The following IL16 variants were observed in gnomAD, a reference collection of about 807,000 sequenced individuals.
IL16 encodes the protein pro-interleukin-16.
A neutral mutation model predicts 110.1 loss-of-function variants in IL16; 67 were observed. The observed-to-expected ratio is 0.61, with a 90% CI of 0.50 to 0.75. The LOEUF (loss-of-function observed/expected upper bound fraction) is 0.75, where lower values mean the gene tolerates loss of function less well. IL16 is among the 30% of genes least tolerant of loss of function. The probability of loss-of-function intolerance (pLI) is 0.00; values close to 1 mark genes in which losing one functional copy is unlikely to be tolerated. For missense variants in IL16, 1,545 were observed against 1,655.0 expected (o/e 0.93, Z 1.15); for synonymous variants, 689 against 662.9 (o/e 1.04, Z -0.61).
intron 9 of IL16, among the ~76,000 whole-genome samples, chr15:81,284,022 A>AAAG (rs1555422375): frequency 2.4e-4 from 35 of 146,178 alleles, no homozygotes; most frequent in African/African-American, 8.9e-4. Flanking sequence ...AAAAAAAAAA[A>AAAG]AGAGAGAGAG....
In IL16 at chr15:81,267,469, CACATACACAG is replaced by C. The variant is rs1378359757; in HGVS notation, c.564+1672_564+1681del. Among the ~76,000 whole-genome samples the C allele has an allele frequency of 2.3e-5, 3 of 131,796 alleles. 1 individual carries two copies. The highest frequency in any genetic ancestry group is 4.5e-4 in the East Asian group (2 of 4,474). The allele number at this position is 131,796 out of a possible 152,430, so 86.5% of individuals were successfully genotyped here. A position where few individuals can be genotyped will look rare whatever the true frequency, so the allele number is the denominator to read the frequency against. On this transcript the variant is annotated intron_variant, in intron 4 of 18. Coordinates refer to ENST00000683961, the MANE Select transcript of IL16 (RefSeq NM_172217.5). ...AGACACACATACACATACGCAGACA[CACATACACAG>C]ACACACACACACACACACACACACA... is the stretch of plus-strand genomic sequence containing the variant.
rs1036894579 is a variant in IL16 at position 81,197,153 on chromosome 15, G to C, written c.-102+1G>C. ...GCATAGGGAGGTAGGTGGGCACCAG[G>C]TGAGTGAATGTCTGTCAGGCAGCTG... On this transcript the variant is annotated splice_donor_variant, in intron 1 of 18. Transcript: ENST00000683961. LOFTEE classifies it low-confidence loss of function (5UTR_SPLICE). The C allele has an allele frequency of 7.8e-7, 1 of 1,287,596 alleles. No homozygotes were observed. Among genetic ancestry groups the C allele is most frequent in the African/African-American group, 1.5e-5 (1 of 65,836 alleles). 79.8% of individuals were successfully genotyped at this position (1,287,596 alleles called of 1,614,324 possible).
chr15:81,292,674 C>G lies in IL16; in HGVS notation c.1539C>G (p.Asp513Glu), dbSNP rs768779340. 2 of 1,614,040 alleles carry G rather than the reference C, an allele frequency of 1.2e-6. No individual in the cohort carries two copies. Among genetic ancestry groups the G allele is most frequent in the Admixed American group, 1.7e-5 (1 of 60,008 alleles). Residue 513 changes from aspartate (D) to glutamate (E), a missense_variant, in exon 12 of 19, where the codon GAC becomes GAG. Asp to Glu is a conservative substitution (Grantham distance 45, BLOSUM62 2). Transcript: ENST00000683961. Reference protein sequence around the residue: ...AQKVMIRSSSDSSYMSGSPGG... With the variant: ...AQKVMIRSSSESSYMSGSPGG... ...AGGTCATGATCCGCTCCAGCAGTGA[C>G]AGCAGCTACATGTCTGGGTCCCCAG... is the stretch of plus-strand genomic sequence containing the variant.
At chr15:81,275,142 C>G (rs1343265868) in intron 6 of IL16, among the ~76,000 whole-genome samples, 1 of 151,050 alleles carries the variant, frequency 6.6e-6, no homozygotes, top group African/African-American at 2.4e-5. Context: ...GTAAGAGGCA[C>G]TGGAGGAGGA....
intron 1 of IL16, among the ~76,000 whole-genome samples, chr15:81,214,318 T>A (rs1469256761): frequency 6.6e-6 from 1 of 152,216 alleles, no homozygotes; most frequent in Non-Finnish European, 1.5e-5. Flanking sequence ...CTGGTCTAGT[T>A]TAAACAAATT....
intron 1 of IL16, among the ~76,000 whole-genome samples, chr15:81,218,091 T>C (rs921840254): frequency 9.9e-5 from 15 of 152,186 alleles, no homozygotes; most frequent in African/African-American, 3.6e-4. Context: ...AGTTTGTTAA[T>C]GTTCAGAGGT....
chr15:81,224,539 C>A (rs540246320), intron 1 of IL16, among the ~76,000 whole-genome samples: 67 of 152,342 alleles, frequency 4.4e-4, no homozygotes, highest in African/African-American at 1.4e-3. Context: ...CTGGGCCTGA[C>A]TGTGACTCTG....
intron 2 of IL16, among the ~76,000 whole-genome samples, chr15:81,237,366 C>T (rs1897209370): frequency 6.6e-6 from 1 of 152,122 alleles, no homozygotes; most frequent in Non-Finnish European, 1.5e-5. Context: ...GTTTCCACCC[C>T]CAGTTTAGAA....
chr15:81,200,607 G>A (rs1260924589), intron 1 of IL16, among the ~76,000 whole-genome samples: 11 of 152,222 alleles, frequency 7.2e-5, no homozygotes, highest in Admixed American at 7.2e-4. Context: ...TTGAGCTCGA[G>A]TGATCTGCTC....
intron 1 of IL16, among the ~76,000 whole-genome samples, chr15:81,184,720 G>A (rs1490482148): frequency 1.3e-5 from 2 of 152,214 alleles, no homozygotes; most frequent in Non-Finnish European, 2.9e-5. Context: ...AGAAGATTGG[G>A]CATTCACATG....
chr15:81,283,347 C>CAAA (rs377495154), intron 9 of IL16, among the ~76,000 whole-genome samples: 26 of 145,036 alleles, frequency 1.8e-4, no homozygotes, highest in Non-Finnish European at 2.3e-4. Context: ...ACAGGTGCCT[C>CAAA]AAAAAAAAAA....
At position 81,311,951 on chromosome 15, in the gene IL16, C is replaced by CTGT. The variant is rs1900878799; in HGVS notation, c.*3153_*3154insTGT. 6.6e-6 allele frequency: 1 copy of CTGT among 152,246 alleles called. No homozygotes were observed. 9.4% of individuals were successfully genotyped at this position (152,246 alleles called of 1,614,324 possible). A position where few individuals can be genotyped will look rare whatever the true frequency, so the allele number is the denominator to read the frequency against. On this transcript the variant is annotated 3_prime_UTR_variant, in exon 19 of 19. Coordinates refer to ENST00000683961, the MANE Select transcript of IL16 (RefSeq NM_172217.5). ...CTCACATCTTGGCACATTTAAGAGACAGTCACCCCAGGACTCAAAAATAGG... is the reference window on the plus strand; with the variant it reads ...CTCACATCTTGGCACATTTAAGAGACTGTAGTCACCCCAGGACTCAAAAATAGG...
intron 2 of IL16, among the ~76,000 whole-genome samples, chr15:81,248,869 C>T (rs1359773495): frequency 2.6e-5 from 4 of 151,700 alleles, no homozygotes; most frequent in East Asian, 1.9e-4. Context: ...TACAGGCGCC[C>T]ACCACCACAC....
upstream of IL16, among the ~76,000 whole-genome samples, chr15:81,192,563 A>C (rs1396014484): frequency 6.6e-6 from 1 of 152,246 alleles, no homozygotes; most frequent in Non-Finnish European, 1.5e-5. Flanking sequence ...AGCTATGATC[A>C]TACCACTACC....
rs1896172331 is a variant in IL16, at chr15:81,209,845, GCC to G, written c.-102+12694_-102+12695del. Among the ~76,000 whole-genome samples, 17 of 152,284 alleles carry G rather than the reference GCC, an allele frequency of 1.1e-4. No individual in the cohort carries two copies. The South Asian group carries it at 3.5e-3, about 32-fold the overall frequency. On this transcript the variant is annotated intron_variant, in intron 1 of 18. Coordinates refer to ENST00000683961, the MANE Select transcript of IL16 (RefSeq NM_172217.5). ...GATGAACTCTGCAGGCTCCAGCAATGCCATGGTTACACTGATTTCAAAACAAC... is the reference window on the plus strand; with the variant it reads ...GATGAACTCTGCAGGCTCCAGCAATGATGGTTACACTGATTTCAAAACAAC...
intron 1 of IL16, among the ~76,000 whole-genome samples, chr15:81,185,098 G>A (rs767482015): frequency 5.9e-5 from 9 of 152,116 alleles, no homozygotes; most frequent in Non-Finnish European, 7.3e-5. Flanking sequence ...AGGGTGGGGC[G>A]TAGGGTTTGA....
At chr15:81,287,832 T>G (rs752118660) in intron 10 of IL16, among the ~76,000 whole-genome samples, 1 of 152,178 alleles carries the variant, frequency 6.6e-6, no homozygotes, top group Non-Finnish European at 1.5e-5. Flanking sequence ...CTAAACACAA[T>G]CAGAGACAAG....
intron 1 of IL16, among the ~76,000 whole-genome samples, chr15:81,205,348 A>G (rs1009331700): frequency 6.6e-6 from 1 of 151,972 alleles, no homozygotes; most frequent in Non-Finnish European, 1.5e-5. Flanking sequence ...ATAATGATCT[A>G]TGATGTCCCC....
intron 2 of IL16, among the ~76,000 whole-genome samples, chr15:81,250,158 T>A (rs182038229): frequency 6.8e-4 from 103 of 152,210 alleles, no homozygotes; most frequent in African/African-American, 2.4e-3. Flanking sequence ...TCCTTGTAGT[T>A]CTCTCTCTTA....
Sources: gnomAD v4.1 joint callset for allele counts (sites outside exome capture counted in the v4.1 genomes callset) on GRCh38, gnomAD v4.1.1 for gene constraint, MANE v1.5 for transcripts, NCBI Gene and HGNC (gene_info 2026-07-23, HGNC 2026-07-21) for gene names.